Variants in VPS54 observed in about 807,000 individuals in gnomAD.
VPS54 encodes vacuolar protein sorting-associated protein 54.
Under a neutral mutation model 121.5 loss-of-function variants are expected in VPS54, and 45 were observed. The observed-to-expected ratio is 0.37, with a 90% CI of 0.29 to 0.47. VPS54 has a LOEUF of 0.47. VPS54 is among the 20% of genes least tolerant of loss of function. The probability of loss-of-function intolerance (pLI) is 0.99; values close to 1 mark genes in which losing one functional copy is unlikely to be tolerated. For missense variants in VPS54, 1,090 were observed against 1,131.4 expected, an observed-to-expected ratio of 0.96 and a Z score of 0.52; for synonymous variants, 371 against 385.8, an observed-to-expected ratio of 0.96 and a Z score of 0.45.
rs756877395 is a variant in VPS54 at position 63,921,299 on chromosome 2, T to C, written c.1776A>G (p.Leu592=). 3 of 1,613,148 alleles carry C rather than the reference T, an allele frequency of 1.9e-6. No homozygotes were observed. The highest frequency in any genetic ancestry group is 1.1e-5 in the South Asian group (1 of 91,008). The change falls in exon 13 of 23, where the codon CTA becomes CTG. Residue 592 remains leucine, a synonymous_variant. Transcript: ENST00000272322. ...SEDMKLTDSE[L]GKLANNIQEL... is the part of the protein sequence containing the mutation. Reference sequence around the variant, plus strand: ...CCTGGATATTATTTGCCAGCTTTCCTAGCTCTGAGTCAGTTAATTTCATAT... The same window carrying C: ...CCTGGATATTATTTGCCAGCTTTCCCAGCTCTGAGTCAGTTAATTTCATAT...
chr2:63,915,250 G>C (rs544972375), intron 16 of VPS54, among the ~76,000 whole-genome samples: 1 of 151,722 alleles, frequency 6.6e-6, no homozygotes, highest in Non-Finnish European at 1.5e-5. Flanking sequence ...ACACTACTGG[G>C]AAGTTAAAGA....
chr2:63,997,787 AG>A (rs1429731879), intron 1 of VPS54, among the ~76,000 whole-genome samples: 5 of 151,528 alleles, frequency 3.3e-5, no homozygotes, highest in African/African-American at 1.2e-4. Flanking sequence ...ATCCATCATT[AG>A]GTTTTTATTT....
chr2:63,896,687 A>T (rs567586237), intron 22 of VPS54, among the ~76,000 whole-genome samples: 4 of 152,176 alleles, frequency 2.6e-5, no homozygotes, highest in Non-Finnish European at 5.9e-5. Flanking sequence ...ATTTGTTCTT[A>T]TAAGTTTGAA....
chr2:63,908,839 G>A (rs1673014357), intron 20 of VPS54, among the ~76,000 whole-genome samples: 1 of 152,172 alleles, frequency 6.6e-6, no homozygotes, highest in African/African-American at 2.4e-5. Flanking sequence ...GGCAGAAACT[G>A]AGGCTTAAGG....
chr2:63,933,260 A>G (rs1273982731), intron 12 of VPS54, among the ~76,000 whole-genome samples: 1 of 151,922 alleles, frequency 6.6e-6, no homozygotes, highest in African/African-American at 2.4e-5. Context: ...CAAAAGTTAT[A>G]AATCAAACAG....
chr2:63,962,523 A>G, intron 6 of VPS54, 80 bp from the exon 7 acceptor site: 1 of 1,439,994 alleles, frequency 6.9e-7, no homozygotes, highest in African/African-American at 1.4e-5. Flanking sequence ...GACAATGATA[A>G]AAGATTTCTA....
intron 20 of VPS54, 123 bp downstream of exon 20, chr2:63,912,222 A>G (rs549307716): frequency 2.0e-5 from 20 of 993,606 alleles, no homozygotes; most frequent in South Asian, 1.8e-4. Context: ...AATTCTACTA[A>G]TTGGTAAATA....
intron 10 of VPS54, among the ~76,000 whole-genome samples, chr2:63,943,942 G>A (rs1377483932): frequency 6.6e-6 from 1 of 151,348 alleles, no homozygotes; most frequent in African/African-American, 2.4e-5. Context: ...TTATTGCCCA[G>A]GGTGGTCTCG....
intron 17 of VPS54, among the ~76,000 whole-genome samples, chr2:63,913,556 T>C (rs578131620): frequency 6.6e-6 from 1 of 152,286 alleles, no homozygotes; most frequent in Non-Finnish European, 1.5e-5. Flanking sequence ...CAGAAATTAA[T>C]CTTTAATTTG....
intron 7 of VPS54, 36 bp from the exon 8 acceptor site, chr2:63,949,199 A>G (rs776339513): frequency 6.3e-7 from 1 of 1,576,160 alleles, no homozygotes; most frequent in African/African-American, 1.4e-5. Flanking sequence ...ATTTATATTC[A>G]CTAAAAACTA....
At chr2:63,928,253 C>A (rs1441182100) in intron 12 of VPS54, among the ~76,000 whole-genome samples, 2 of 152,192 alleles carry the variant, frequency 1.3e-5, no homozygotes, top group African/African-American at 4.8e-5. Flanking sequence ...ATGTTAAGGG[C>A]AGCCAGAGAG....
intron 1 of VPS54, among the ~76,000 whole-genome samples, chr2:63,988,585 A>G (rs1677164117): frequency 6.6e-6 from 1 of 152,206 alleles, no homozygotes; most frequent in Non-Finnish European, 1.5e-5. Flanking sequence ...CTTTACTGCA[A>G]TCTCTGAACA....
chr2:63,913,777 A>G, intron 17 of VPS54: 1 of 921,852 alleles, frequency 1.1e-6, no homozygotes, highest in Non-Finnish European at 1.3e-6. Context: ...TCACATTTTC[A>G]TTTTATATCA....
intron 20 of VPS54, among the ~76,000 whole-genome samples, chr2:63,900,288 G>A (rs1184586879): frequency 6.7e-6 from 1 of 150,088 alleles, no homozygotes; most frequent in African/African-American, 2.5e-5. Context: ...AGAAAAATCT[G>A]GCAGAATAAA....
Position 63,948,886 on chromosome 2 carries a change from G to A in VPS54, c.1137+151C>T, listed in dbSNP as rs185986347. ...AGGATAGTGAACAATCATGGTGCTTGCTCAAGTCACATAGCTAGTGAAGGA... is the reference window on the plus strand; with the variant it reads ...AGGATAGTGAACAATCATGGTGCTTACTCAAGTCACATAGCTAGTGAAGGA... On this transcript the variant is annotated intron_variant, in intron 8 of 22. Coordinates refer to ENST00000272322, the MANE Select transcript of VPS54 (RefSeq NM_016516.3). 121 of 791,908 alleles carry A rather than the reference G, an allele frequency of 1.5e-4. No individual in the cohort carries two copies. In the African/African-American group the frequency reaches 1.8e-3, roughly 11 times the overall value. 49.1% of individuals were successfully genotyped at this position (791,908 alleles called of 1,614,324 possible).
chr2:64,014,814 T>C (rs186240522), intron 1 of VPS54, among the ~76,000 whole-genome samples: 10 of 152,310 alleles, frequency 6.6e-5, no homozygotes, highest in Admixed American at 5.9e-4. Flanking sequence ...ATGAGAAAAC[T>C]GAGGCTCAGA....
rs574955332 is a variant in VPS54 at position 63,981,728 on chromosome 2, A to G, written c.296T>C (p.Val99Ala). ...GAATGAAGGTATGACTTCAGTGTCC[A>G]CAAAGTCCAATCCCCATGTTTTTGT... ...FFTKTWGLDF[V>A]DTEVIPSFYL... is the part of the protein sequence containing the mutation. The change falls in exon 3 of 23, where the codon GTG becomes GCG. Residue 99 changes from valine (V) to alanine (A), a missense_variant. By Grantham distance (64) the Val-to-Ala change is moderately conservative (BLOSUM62 0). Transcript: ENST00000272322. 3.7e-6 allele frequency: 6 copies of G among 1,613,756 alleles called. No homozygotes were observed. The East Asian group carries it at 1.3e-4, about 36-fold the overall frequency.
chr2:63,919,535 T>C (rs986744934), intron 15 of VPS54, among the ~76,000 whole-genome samples: 1 of 152,000 alleles, frequency 6.6e-6, no homozygotes, highest in African/African-American at 2.4e-5. Context: ...TGGTTTCAAA[T>C]CCCAACTCAT....
At chr2:63,930,215 G>C (rs992106783) in intron 12 of VPS54, among the ~76,000 whole-genome samples, 3 of 152,082 alleles carry the variant, frequency 2.0e-5, no homozygotes, top group African/African-American at 7.2e-5. Context: ...AACAAAAAAA[G>C]AGAATTTTAG....
Sources: allele counts gnomAD v4.1 joint callset (sites outside exome capture counted in the v4.1 genomes callset), GRCh38; gene constraint gnomAD v4.1.1; transcripts MANE v1.5; gene names NCBI Gene and HGNC (gene_info 2026-07-23, HGNC 2026-07-21).